Variants in CMIP observed in about 807,000 individuals in gnomAD.
CMIP encodes the protein C-Maf-inducing protein.
Under a neutral mutation model 97.3 loss-of-function variants are expected in CMIP, and 13 were observed. That is an observed-to-expected ratio of 0.13 (90% CI 0.09 to 0.21). The LOEUF is 0.21. Among genes scored for constraint, CMIP ranks in the 10% least tolerant of loss-of-function variants. The pLI is 1.00. For synonymous variants in CMIP, 538 were observed against 436.3 expected (o/e 1.23, Z -2.91); for missense variants, 847 against 1,024.9 (o/e 0.83, Z 2.37).
chr16:81,610,690 C>A, intron 2 of CMIP: 1 of 275,582 alleles, frequency 3.6e-6, no homozygotes, highest in Non-Finnish European at 5.5e-6. Flanking sequence ...TGGTATGTAG[C>A]TGGCTCATTC....
In CMIP at chr16:81,571,528, A is replaced by G. The variant is rs139651530; in HGVS notation, c.301-36039A>G. Among the ~76,000 whole-genome samples the G allele has an allele frequency of 3.3e-3, 482 of 145,094 alleles. 4 individuals are homozygous for G. The highest frequency in any genetic ancestry group is 0.012 in the African/African-American group (454 of 38,962). On this transcript the variant is annotated intron_variant, in intron 1 of 20. Transcript: ENST00000537098. ...GTAATCTCAGCATTTTGGGAGGCCC[A>G]GATGGGAGCCCAGGAGTTTGAGACC...
intron 3 of CMIP, among the ~76,000 whole-genome samples, chr16:81,636,939 G>T (rs1456490256): frequency 6.6e-6 from 1 of 151,620 alleles, no homozygotes. Context: ...TTAACAGCAT[G>T]TTGTGCAGGT....
At position 81,676,487 on chromosome 16, in the gene CMIP, A is replaced by G. The variant is rs1567654616; in HGVS notation, c.1035-1788A>G. 2.0e-5 allele frequency among the ~76,000 whole-genome samples: 3 copies of G among 152,070 alleles called. No homozygotes were observed. In the South Asian group the frequency reaches 6.2e-4, roughly 32 times the overall value. ...CTGAGCCAAACAGCCTTGAAAATCC[A>G]CTTTTAAAACCCAGCAACGGCAAAC... On this transcript the variant is annotated intron_variant, in intron 9 of 20. Coordinates refer to ENST00000537098, the MANE Select transcript of CMIP (RefSeq NM_198390.3).
In CMIP at chr16:81,678,638, C is replaced by CCA; in HGVS notation, c.1388+11_1388+12insAC. ...AAATCCTCAAGCTGCTGTGAGTGCCCCCCCCGCGTGCCCGCCCCCGGGGCC... is the reference window on the plus strand; with the variant it reads ...AAATCCTCAAGCTGCTGTGAGTGCCCCACCCCCGCGTGCCCGCCCCCGGGGCC... On this transcript the variant is annotated intron_variant, in intron 10 of 20. Transcript: ENST00000537098. 1 of 1,406,388 alleles carries CCA rather than the reference C, an allele frequency of 7.1e-7. No individual in the cohort carries two copies. The highest frequency in any genetic ancestry group is 9.9e-7 in the Non-Finnish European group (1 of 1,009,714). The allele number at this position is 1,406,388 out of a possible 1,614,324, so 87.1% of individuals were successfully genotyped here. A position where few individuals can be genotyped will look rare whatever the true frequency, so the allele number is the denominator to read the frequency against.
chr16:81,476,528 G>A (rs1408639943), intron 1 of CMIP: 3 of 655,308 alleles, frequency 4.6e-6, no homozygotes, highest in Non-Finnish European at 8.6e-6. Context: ...ATGGCTGATA[G>A]AACAGGTTTC....
intron 1 of CMIP, among the ~76,000 whole-genome samples, chr16:81,573,039 G>A (rs577273938): frequency 6.4e-4 from 97 of 152,274 alleles, no homozygotes; most frequent in African/African-American, 2.1e-3. Flanking sequence ...CCATAATAGT[G>A]ACATTACAAA....
At chr16:81,617,911 G>A (rs942176185) in intron 2 of CMIP, among the ~76,000 whole-genome samples, 10 of 152,200 alleles carry the variant, frequency 6.6e-5, no homozygotes, top group Admixed American at 3.3e-4. Context: ...GCACTTTGGC[G>A]GGGCCAGTGG....
chr16:81,649,000 C>G (rs2092397279), intron 3 of CMIP, among the ~76,000 whole-genome samples: 1 of 152,110 alleles, frequency 6.6e-6, no homozygotes, highest in African/African-American at 2.4e-5. Flanking sequence ...GCCCGTCTCA[C>G]TTCCCCACTC....
intron 17 of CMIP, among the ~76,000 whole-genome samples, 153 bp downstream of exon 17, chr16:81,702,822 G>A (rs1158339011): frequency 1.3e-5 from 2 of 152,182 alleles, no homozygotes; most frequent in Non-Finnish European, 2.9e-5. Flanking sequence ...GCTCTTCCAG[G>A]AGGTAGCTGG....
chr16:81,664,018 T>C (rs1410539236), intron 6 of CMIP, among the ~76,000 whole-genome samples: 2 of 152,132 alleles, frequency 1.3e-5, no homozygotes, highest in Non-Finnish European at 2.9e-5. Context: ...GCAGTGATCG[T>C]TGGGGAGGCT....
chr16:81,620,810 C>T (rs1597156036), intron 2 of CMIP, 66 bp from the exon 3 acceptor site: 2 of 1,599,088 alleles, frequency 1.3e-6, no homozygotes, highest in East Asian at 4.5e-5. Flanking sequence ...ACATGCTGGC[C>T]TTGAAATGCC....
chr16:81,514,560 A>G (rs1366348569), intron 1 of CMIP, among the ~76,000 whole-genome samples: 3 of 152,174 alleles, frequency 2.0e-5, no homozygotes, highest in African/African-American at 4.8e-5. Context: ...GGGACAGCCT[A>G]TTAATTAAGA....
chr16:81,663,002 C>T (rs920270772), intron 6 of CMIP, among the ~76,000 whole-genome samples: 4 of 151,942 alleles, frequency 2.6e-5, no homozygotes, highest in African/African-American at 7.3e-5. Context: ...CCTGTCAGAA[C>T]GCCTATGTGT....
At chr16:81,509,463 G>T (rs905687269) in intron 1 of CMIP, among the ~76,000 whole-genome samples, 14 of 152,188 alleles carry the variant, frequency 9.2e-5, no homozygotes, top group African/African-American at 3.4e-4. Flanking sequence ...TCCTTCCTGC[G>T]TGCACTGCCT....
At chr16:81,560,371 A>G (rs1169535338) in intron 1 of CMIP, among the ~76,000 whole-genome samples, 1 of 151,818 alleles carries the variant, frequency 6.6e-6, no homozygotes, top group Non-Finnish European at 1.5e-5. Flanking sequence ...GGCTCCCGCC[A>G]CTATTCCTGG....
At chr16:81,479,643 T>C (rs1908139068) in intron 1 of CMIP, among the ~76,000 whole-genome samples, 1 of 152,148 alleles carries the variant, frequency 6.6e-6, no homozygotes, top group South Asian at 2.1e-4. Context: ...TTATTTTGCT[T>C]TTTTTGTTGA....
chr16:81,596,526 A>AT (rs1555535043), intron 1 of CMIP, among the ~76,000 whole-genome samples: 1 of 151,834 alleles, frequency 6.6e-6, no homozygotes, highest in South Asian at 2.1e-4. Context: ...AAAAAAAAAA[A>AT]ATTTCAATTG....
At chr16:81,635,241 T>G (rs1262991380) in intron 3 of CMIP, among the ~76,000 whole-genome samples, 1 of 151,790 alleles carries the variant, frequency 6.6e-6, no homozygotes, top group Non-Finnish European at 1.5e-5. Flanking sequence ...CAAATTGCTT[T>G]TTCGCTCTGG....
chr16:81,699,907 C>A (rs1304446958), intron 15 of CMIP, 106 bp downstream of exon 15: 3 of 740,332 alleles, frequency 4.1e-6, no homozygotes. Context: ...GCACGGGGGG[C>A]AGTGGGTGAG....
Sources: allele counts gnomAD v4.1 joint callset (sites outside exome capture counted in the v4.1 genomes callset), GRCh38; gene constraint gnomAD v4.1.1; transcripts MANE v1.5; gene names NCBI Gene and HGNC (gene_info 2026-07-23, HGNC 2026-07-21).